The following MGMT variants were observed in gnomAD, a reference collection of about 807,000 sequenced individuals.
MGMT encodes O-6-methylguanine-DNA methyltransferase.
MGMT carries 14 observed loss-of-function variants against 15.9 expected under a neutral mutation model. That is an observed-to-expected ratio of 0.88 (90% CI 0.58 to 1.37). The LOEUF is 1.37. Ranked by LOEUF, MGMT falls within the 40% of genes most tolerant of loss-of-function variation. The pLI, the probability that MGMT is intolerant of heterozygous loss-of-function variation, is 0.00. For synonymous variants in MGMT, 130 were observed against 118.2 expected (o/e 1.10, Z -0.65); for missense variants, 282 against 268.1 (o/e 1.05, Z -0.36).
chr10:129,589,400 T>C (rs548955398), intron 2 of MGMT, among the ~76,000 whole-genome samples: 11 of 152,348 alleles, frequency 7.2e-5, no homozygotes, highest in Non-Finnish European at 1.5e-4. Context: ...GCATGGGTGC[T>C]ACTCACCTCT....
At chr10:129,711,085 G>C (rs2053138) in intron 3 of MGMT, among the ~76,000 whole-genome samples, 40,572 of 151,932 alleles carry the variant, frequency 0.27, 6,170 homozygotes, top group Non-Finnish European at 0.34. Flanking sequence ...TTCTGACTGC[G>C]CAGTACCAAG....
At chr10:129,727,926 G>C (rs984201752) in intron 3 of MGMT, among the ~76,000 whole-genome samples, 1 of 152,198 alleles carries the variant, frequency 6.6e-6, no homozygotes, top group Admixed American at 6.5e-5. Context: ...ATAGACTGAG[G>C]CTGGGCCTGT....
At chr10:129,680,041 G>T (rs373890849) in intron 2 of MGMT, among the ~76,000 whole-genome samples, 1 of 152,206 alleles carries the variant, frequency 6.6e-6, no homozygotes, top group African/African-American at 2.4e-5. Flanking sequence ...AAAGACAGGC[G>T]AGTGCTGTAC....
intron 2 of MGMT, among the ~76,000 whole-genome samples, chr10:129,631,722 G>T (rs1847211722): frequency 6.6e-6 from 1 of 152,156 alleles, no homozygotes; most frequent in Non-Finnish European, 1.5e-5. Flanking sequence ...TGCTCAGGAG[G>T]CTGAGGTAGG....
chr10:129,695,347 G>A (rs1328524092), intron 2 of MGMT, among the ~76,000 whole-genome samples: 1 of 152,094 alleles, frequency 6.6e-6, no homozygotes, highest in Non-Finnish European at 1.5e-5. Context: ...TTCATAATAG[G>A]GAACTATCTA....
chr10:129,555,706 C>A (rs1846205651), intron 2 of MGMT, among the ~76,000 whole-genome samples: 1 of 151,176 alleles, frequency 6.6e-6, no homozygotes, highest in Non-Finnish European at 1.5e-5. Context: ...CAGAGTGAGA[C>A]CCTGTCTCTA....
At chr10:129,596,371 TA>T (rs1468377825) in intron 2 of MGMT, among the ~76,000 whole-genome samples, 8 of 152,208 alleles carry the variant, frequency 5.3e-5, no homozygotes, top group Admixed American at 3.3e-4. Context: ...AAATTGTTTA[TA>T]AATACAGTGA....
chr10:129,469,668 C>G (rs1382317303), intron 1 of MGMT, among the ~76,000 whole-genome samples: 1 of 152,170 alleles, frequency 6.6e-6, no homozygotes, highest in Non-Finnish European at 1.5e-5. Context: ...GTTTTTAATG[C>G]AGCTACTTTC....
intron 2 of MGMT, among the ~76,000 whole-genome samples, chr10:129,667,571 C>A (rs1453391778): frequency 6.6e-6 from 1 of 152,070 alleles, no homozygotes; most frequent in Non-Finnish European, 1.5e-5. Context: ...CTAATGATGC[C>A]CCTGCCTGTG....
chr10:129,573,375 G>A (rs1014993742), intron 2 of MGMT, among the ~76,000 whole-genome samples: 6 of 152,136 alleles, frequency 3.9e-5, no homozygotes, highest in Admixed American at 6.5e-5. Context: ...AATGTTAACA[G>A]CTTACATAAC....
chr10:129,721,685 A>C (rs891153845), intron 3 of MGMT, among the ~76,000 whole-genome samples: 1 of 152,236 alleles, frequency 6.6e-6, no homozygotes, highest in South Asian at 2.1e-4. Context: ...ATGAACAAGT[A>C]TAATATTTAA....
At chr10:129,649,791 C>G (rs1847436044) in intron 2 of MGMT, among the ~76,000 whole-genome samples, 1 of 152,140 alleles carries the variant, frequency 6.6e-6, no homozygotes, top group Non-Finnish European at 1.5e-5. Context: ...TACAAGATAG[C>G]AAAAGTTACC....
chr10:129,723,900 C>A (rs1014370646), intron 3 of MGMT, among the ~76,000 whole-genome samples: 1 of 152,188 alleles, frequency 6.6e-6, no homozygotes. Flanking sequence ...ACTGCCGCAG[C>A]CTCGCCTCTC....
chr10:129,627,197 G>T (rs1382603041), intron 2 of MGMT, among the ~76,000 whole-genome samples: 1 of 152,158 alleles, frequency 6.6e-6, no homozygotes. Context: ...GTGTGCTGGG[G>T]GATGAGGGCG....
At position 129,770,983 on chromosome 10, in the gene MGMT, A is replaced by G. The variant is rs1848993969; in HGVS notation, c.*3986A>G. Among the ~76,000 whole-genome samples, 1 of 151,982 alleles carries G rather than the reference A, an allele frequency of 6.6e-6. No individual in the cohort carries two copies. Among genetic ancestry groups the G allele is most frequent in the Admixed American group, 6.6e-5 (1 of 15,266 alleles). On this transcript the variant is annotated 3_prime_UTR_variant, in exon 5 of 5. Transcript: ENST00000651593. ...TTTGATTAAAAGTTTGTGTTTAAAG[A>G]GCTGAACTTCACATCAGTTTTACTT... is the stretch of plus-strand genomic sequence containing the variant.
At chr10:129,692,680 C>G (rs1283200725) in intron 2 of MGMT, among the ~76,000 whole-genome samples, 1 of 152,106 alleles carries the variant, frequency 6.6e-6, no homozygotes, top group African/African-American at 2.4e-5. Flanking sequence ...CCCAGCGTGG[C>G]CATGGCATCT....
intron 1 of MGMT, among the ~76,000 whole-genome samples, chr10:129,510,611 C>CA (rs1156491961): frequency 6.6e-6 from 1 of 152,156 alleles, no homozygotes; most frequent in South Asian, 2.1e-4. Flanking sequence ...AGATATGTGT[C>CA]AAAGAGTTTT....
Position 129,584,056 on chromosome 10 carries a change from A to C in MGMT, c.125+47679A>C, listed in dbSNP as rs149689064. ...TGCAGAAGCGGAAGTCAGTGTGGCC[A>C]CAGGAGCGAGGTGGCAAAGTGCTGG... On this transcript the variant is annotated intron_variant, in intron 2 of 4. Transcript: ENST00000651593. Among the ~76,000 whole-genome samples the C allele has an allele frequency of 8.5e-4, 130 of 152,338 alleles. No individual in the cohort carries two copies. The Middle Eastern group carries it at 0.017, about 20-fold the overall frequency.
chr10:129,709,091 C>T (rs924957627), intron 3 of MGMT, among the ~76,000 whole-genome samples: 2 of 152,352 alleles, frequency 1.3e-5, no homozygotes, highest in Middle Eastern at 3.4e-3. Context: ...AACCAGGCAC[C>T]TTGCTGTCCT....
Sources: gnomAD v4.1 joint callset for allele counts (sites outside exome capture counted in the v4.1 genomes callset) on GRCh38, gnomAD v4.1.1 for gene constraint, MANE v1.5 for transcripts, NCBI Gene and HGNC (gene_info 2026-07-23, HGNC 2026-07-21) for gene names.